Variants in SHQ1 observed in about 807,000 individuals in gnomAD.
SHQ1 encodes the protein SHQ1, H/ACA ribonucleoprotein assembly factor.
In SHQ1, 49 loss-of-function variants were observed where a neutral mutation model predicts 53.8. The observed-to-expected ratio is 0.91, with a 90% CI of 0.72 to 1.16. SHQ1 has a LOEUF of 1.16. SHQ1 is among the 50% of genes most tolerant of loss of function. The pLI, the probability that SHQ1 is intolerant of heterozygous loss-of-function variation, is 0.00. For missense variants in SHQ1, 738 were observed against 683.1 expected (o/e 1.08, Z -0.90); for synonymous variants, 243 against 251.0 (o/e 0.97, Z 0.30).
At chr3:72,763,062 C>CACACAGAG (rs1315245242) in intron 10 of SHQ1, among the ~76,000 whole-genome samples, 1 of 76,200 alleles carries the variant, frequency 1.3e-5, no homozygotes, top group Non-Finnish European at 3.4e-5. Flanking sequence ...CACACACACA[C>CACACAGAG]AGAGAGAGAG....
In SHQ1 at chr3:72,790,471, T is replaced by C. The variant is rs565243898; in HGVS notation, c.1181+2445A>G. The stretch of plus-strand genomic sequence containing the variant: ...AAACATCAAACTAAACTAAGAAAAA[T>C]ACATGGCTCTTTTCAAACATAAAAA... On this transcript the variant is annotated intron_variant, in intron 10 of 10. Coordinates refer to ENST00000325599, the MANE Select transcript of SHQ1 (RefSeq NM_018130.3). Among the ~76,000 whole-genome samples, 303 of 152,124 alleles carry C rather than the reference T, an allele frequency of 2.0e-3. 2 individuals carry two copies. The highest frequency in any genetic ancestry group is 6.7e-3 in the African/African-American group (278 of 41,520).
At chr3:72,841,313 G>A (rs1708173394) in intron 3 of SHQ1, 114 bp from the exon 4 acceptor site, 2 of 707,974 alleles carry the variant, frequency 2.8e-6, no homozygotes, top group Non-Finnish European at 4.4e-6. Context: ...TATACCAAAT[G>A]TACTAAAAGA....
chr3:72,747,649 A>G (rs1490608187), downstream of SHQ1, among the ~76,000 whole-genome samples: 4 of 152,180 alleles, frequency 2.6e-5, no homozygotes, highest in Admixed American at 6.5e-5. Flanking sequence ...AGAACGCTGG[A>G]TATCTGGAGA....
chr3:72,744,001 G>A, the SHQ1 span, among the ~76,000 whole-genome samples: 1 of 152,154 alleles, frequency 6.6e-6, no homozygotes, highest in Non-Finnish European at 1.5e-5. Context: ...GGAGAGCAAC[G>A]CAGGAGCAAA....
At chr3:72,773,160 A>G (rs1705890739) in intron 10 of SHQ1, 2 of 743,334 alleles carry the variant, frequency 2.7e-6, no homozygotes, top group Non-Finnish European at 5.0e-6. Context: ...AATTTTGGAA[A>G]AAGACATAAA....
intron 10 of SHQ1, among the ~76,000 whole-genome samples, chr3:72,783,488 T>C (rs1706134293): frequency 6.6e-6 from 1 of 151,868 alleles, no homozygotes; most frequent in South Asian, 2.1e-4. Flanking sequence ...ATGCCCAGTT[T>C]TGCTTTGTTG....
rs1708169689 is a variant in SHQ1, at chr3:72,841,166, T to A, written c.365A>T (p.Asp122Val). ...ASEIPEEVVD[D>V]EEFDWEIEQT... ...CTCAATTTCCCAATCAAACTCTTCATCGTCAACTACTTCCTCAGGAATCTC... is the reference window on the plus strand; with the variant it reads ...CTCAATTTCCCAATCAAACTCTTCAACGTCAACTACTTCCTCAGGAATCTC... The change falls in exon 4 of 11, where the codon GAT becomes GTT. Residue 122 changes from aspartate (D) to valine (V), a missense_variant. Asp to Val is a radical substitution (Grantham distance 152). Transcript: ENST00000325599. 1 of 1,613,592 alleles carries A rather than the reference T, an allele frequency of 6.2e-7. No individual in the cohort carries two copies. Among genetic ancestry groups the A allele is most frequent in the Middle Eastern group, 1.6e-4 (1 of 6,062 alleles).
chr3:72,731,618 G>A, the SHQ1 span, among the ~76,000 whole-genome samples: 1 of 151,126 alleles, frequency 6.6e-6, no homozygotes, highest in African/African-American at 2.4e-5. Flanking sequence ...AACCCAGGAG[G>A]CAGAGGTTGT....
intron 1 of SHQ1, among the ~76,000 whole-genome samples, chr3:72,844,702 T>C (rs146051114): frequency 1.9e-3 from 295 of 152,316 alleles, no homozygotes; most frequent in African/African-American, 7.0e-3. Flanking sequence ...TCACTATTGT[T>C]ATAACACAAG....
In SHQ1 at chr3:72,841,902, G is replaced by A. The variant is rs116123853; in HGVS notation, c.331+378C>T. On this transcript the variant is annotated intron_variant, in intron 3 of 10. Coordinates refer to ENST00000325599, the MANE Select transcript of SHQ1 (RefSeq NM_018130.3). ...CAGGCAGTAATACTCCTGGCCCTCC[G>A]CTCACCTCCTGTTGTGCAGCCAGGT... Among the ~76,000 whole-genome samples, 844 of 152,192 alleles carry A rather than the reference G, an allele frequency of 5.5e-3. 10 individuals are homozygous for A. The highest frequency in any genetic ancestry group is 0.02 in the African/African-American group (812 of 41,516).
chr3:72,834,937 T>C (rs1057168785), intron 4 of SHQ1, among the ~76,000 whole-genome samples: 5 of 152,116 alleles, frequency 3.3e-5, no homozygotes, highest in African/African-American at 9.7e-5. Context: ...ATTTATTATC[T>C]TACAGTTCTG....
At chr3:72,841,604 G>A (rs1403622840) in intron 3 of SHQ1, among the ~76,000 whole-genome samples, 2 of 152,212 alleles carry the variant, frequency 1.3e-5, no homozygotes, top group Non-Finnish European at 2.9e-5. Flanking sequence ...TTCTTCGGGT[G>A]TTGGAAATGC....
chr3:72,732,983 A>G, the SHQ1 span, among the ~76,000 whole-genome samples: 2 of 151,706 alleles, frequency 1.3e-5, no homozygotes, highest in African/African-American at 4.9e-5. Flanking sequence ...GGCACCAAGG[A>G]AGGATTCTTT....
chr3:72,841,562 A>T (rs1708179732), intron 3 of SHQ1, among the ~76,000 whole-genome samples: 1 of 152,190 alleles, frequency 6.6e-6, no homozygotes, highest in Non-Finnish European at 1.5e-5. Flanking sequence ...CCCTGGAGAG[A>T]GGGCAAAGTA....
Position 72,750,037 on chromosome 3 carries a change from T to C in SHQ1, c.*247A>G, listed in dbSNP as rs1705331124. 3 of 478,352 alleles carry C rather than the reference T, an allele frequency of 6.3e-6. No homozygotes were observed. In the East Asian group the frequency reaches 1.1e-4, roughly 17 times the overall value. The allele number at this position is 478,352 out of a possible 1,614,324, so 29.6% of individuals were successfully genotyped here. ...CAATACAATGTAAATGCTGTGGAAA[T>C]AGTTGTCATACTGTATTATTTAGAG... On this transcript the variant is annotated 3_prime_UTR_variant, in exon 11 of 11. Coordinates refer to ENST00000325599, the MANE Select transcript of SHQ1 (RefSeq NM_018130.3).
chr3:72,740,404 C>G, the SHQ1 span, among the ~76,000 whole-genome samples: 1 of 152,202 alleles, frequency 6.6e-6, no homozygotes, highest in African/African-American at 2.4e-5. Flanking sequence ...GAATTCAGCA[C>G]TGAAGATGGT....
chr3:72,799,358 G>A (rs1301287170), intron 9 of SHQ1, among the ~76,000 whole-genome samples: 2 of 152,082 alleles, frequency 1.3e-5, no homozygotes, highest in South Asian at 4.1e-4. Context: ...ATTCTGATGA[G>A]ACCATATTAT....
intron 10 of SHQ1, among the ~76,000 whole-genome samples, chr3:72,763,062 C>CACACACAG (rs1315245242): frequency 1.3e-5 from 1 of 76,200 alleles, no homozygotes; most frequent in African/African-American, 3.9e-5. Context: ...CACACACACA[C>CACACACAG]AGAGAGAGAG....
At chr3:72,807,591 A>G (rs557051469) in intron 9 of SHQ1, among the ~76,000 whole-genome samples, 1 of 152,316 alleles carries the variant, frequency 6.6e-6, no homozygotes, top group South Asian at 2.1e-4. Flanking sequence ...AATTTTTTTA[A>G]AAGTCATTTG....
Sources: allele counts gnomAD v4.1 joint callset (sites outside exome capture counted in the v4.1 genomes callset), GRCh38; gene constraint gnomAD v4.1.1; transcripts MANE v1.5; gene names NCBI Gene and HGNC (gene_info 2026-07-23, HGNC 2026-07-21).